Variants in CNIH3 observed in about 807,000 individuals in gnomAD.
CNIH3 encodes protein cornichon homolog 3.
In CNIH3, 14 loss-of-function variants were observed where a neutral mutation model predicts 24.1. That is an observed-to-expected ratio of 0.58 (90% confidence interval 0.38 to 0.91). The LOEUF (loss-of-function observed/expected upper bound fraction) is 0.91. CNIH3 is among the 40% of genes least tolerant of loss of function. The pLI is 0.00. For missense variants in CNIH3, 178 were observed against 196.8 expected (o/e 0.90, Z 0.57); for synonymous variants, 68 against 73.8 (o/e 0.92, Z 0.40).
chr1:224,490,320 G>T (rs1056902568), intron 1 of CNIH3, among the ~76,000 whole-genome samples: 1 of 152,146 alleles, frequency 6.6e-6, no homozygotes, highest in East Asian at 1.9e-4. Flanking sequence ...TTTTTGTTAG[G>T]GAGTCACTAC....
rs117588368 is a variant in CNIH3 at position 224,504,132 on chromosome 1, C to T, written n.204-11609C>T. Among the ~76,000 whole-genome samples the T allele has an allele frequency of 2.6e-4, 39 of 152,288 alleles. No individual in the cohort carries two copies. The East Asian group carries it at 5.8e-3, about 23-fold the overall frequency. ...GAGGACTGTATGGATGATGCCTTCC[C>T]GAGTTAGACCTAGGTTCAAACCTGA... On this transcript the variant is annotated intron_variant and non_coding_transcript_variant, in intron 1 of 5. Transcript: ENST00000471578.
At chr1:224,737,260 C>T (rs567317464) in intron 5 of CNIH3, among the ~76,000 whole-genome samples, 6 of 152,092 alleles carry the variant, frequency 3.9e-5, no homozygotes, top group South Asian at 2.1e-4. Context: ...CAGCTCCTCT[C>T]GGTTAGATGG....
At chr1:224,501,805 T>C (rs947970693) in intron 1 of CNIH3, among the ~76,000 whole-genome samples, 11 of 152,116 alleles carry the variant, frequency 7.2e-5, no homozygotes, top group African/African-American at 2.7e-4. Context: ...GGTCTCAAAC[T>C]CCTGAGCTCA....
At chr1:224,449,306 C>T (rs1675293363) in intron 1 of CNIH3, among the ~76,000 whole-genome samples, 1 of 152,004 alleles carries the variant, frequency 6.6e-6, no homozygotes, top group African/African-American at 2.4e-5. Flanking sequence ...CTTTCACCTC[C>T]CGCATCTCCT....
chr1:224,640,941 A>C (rs1453339339), intron 1 of CNIH3, among the ~76,000 whole-genome samples: 3 of 152,204 alleles, frequency 2.0e-5, no homozygotes, highest in African/African-American at 7.2e-5. Context: ...GATTGTGAGC[A>C]AGTGTGGAGG....
At chr1:224,457,627 G>C (rs1053034201) in intron 1 of CNIH3, among the ~76,000 whole-genome samples, 7 of 151,412 alleles carry the variant, frequency 4.6e-5, no homozygotes, top group African/African-American at 1.7e-4. Context: ...GGAATCTCGC[G>C]GTCTCATTTC....
intron 1 of CNIH3, among the ~76,000 whole-genome samples, chr1:224,642,800 A>G (rs1684422054): frequency 1.3e-5 from 2 of 152,254 alleles, no homozygotes; most frequent in African/African-American, 4.8e-5. Flanking sequence ...GTTATGAAAG[A>G]AAACCCACAC....
intron 3 of CNIH3, among the ~76,000 whole-genome samples, chr1:224,713,920 T>A (rs1688291005): frequency 6.6e-6 from 1 of 152,138 alleles, no homozygotes; most frequent in Non-Finnish European, 1.5e-5. Flanking sequence ...GCACAAGTGA[T>A]CCTCCCACCT....
chr1:224,455,235 A>G (rs1323603389), intron 1 of CNIH3, among the ~76,000 whole-genome samples: 1 of 152,210 alleles, frequency 6.6e-6, no homozygotes, highest in Non-Finnish European at 1.5e-5. Flanking sequence ...TTTCTACTGA[A>G]TGTGTATTGC....
In CNIH3 at chr1:224,470,346, G is replaced by A. The variant is rs544292352; in HGVS notation, n.203+35484G>A. On this transcript the variant is annotated intron_variant and non_coding_transcript_variant, in intron 1 of 5. Coordinates refer to the CNIH3 transcript ENST00000471578. ...TTTTTTTTTTTTTTTAAGAGGTAGT[G>A]TCTCACTCTGTCACCCAGGATGGAG... Among the ~76,000 whole-genome samples the A allele has an allele frequency of 7.9e-4, 109 of 138,686 alleles. 1 individual carries two copies. The highest frequency in any genetic ancestry group is 2.8e-3 in the African/African-American group (102 of 36,958). 91.0% of individuals were successfully genotyped at this position (138,686 alleles called of 152,430 possible).
At chr1:224,639,689 G>A (rs544050425) in intron 1 of CNIH3, among the ~76,000 whole-genome samples, 2 of 152,298 alleles carry the variant, frequency 1.3e-5, no homozygotes, top group South Asian at 4.2e-4. Flanking sequence ...GGGGAACTGA[G>A]GACTGAACTC....
intron 3 of CNIH3, among the ~76,000 whole-genome samples, chr1:224,700,898 A>G (rs1687450046): frequency 1.3e-5 from 2 of 152,242 alleles, no homozygotes; most frequent in Admixed American, 6.5e-5. Context: ...CACATCTGCC[A>G]TGTGAACTTC....
chr1:224,728,375 A>C (rs1184376714), intron 3 of CNIH3, among the ~76,000 whole-genome samples: 1 of 152,096 alleles, frequency 6.6e-6, no homozygotes, highest in Non-Finnish European at 1.5e-5. Flanking sequence ...AAGGAGATAC[A>C]ATAGGGACAT....
intron 3 of CNIH3, among the ~76,000 whole-genome samples, chr1:224,694,175 G>A (rs1003538483): frequency 2.6e-5 from 4 of 152,228 alleles, no homozygotes; most frequent in African/African-American, 9.6e-5. Flanking sequence ...AGCCCAGGAT[G>A]AGCTGAGCCC....
intron 1 of CNIH3, among the ~76,000 whole-genome samples, chr1:224,645,203 TTC>T (rs1432901826): frequency 1.3e-5 from 2 of 152,082 alleles, no homozygotes; most frequent in Admixed American, 1.3e-4. Context: ...GTTTGATCAG[TTC>T]TCTCTCTCTC....
chr1:224,732,379 G>A (rs747153767), intron 4 of CNIH3, among the ~76,000 whole-genome samples: 3 of 152,192 alleles, frequency 2.0e-5, no homozygotes, highest in Admixed American at 6.5e-5. Context: ...CGGTTACATC[G>A]AGAAGCCTCA....
chr1:224,594,674 G>C (rs74146399), intron 3 of CNIH3, among the ~76,000 whole-genome samples: 7,274 of 152,218 alleles, frequency 0.048, 587 homozygotes, highest in African/African-American at 0.16. Context: ...TTTGGATTGG[G>C]CAATTTGCAT....
chr1:224,467,644 G>A (rs1341417581), intron 1 of CNIH3, among the ~76,000 whole-genome samples: 2 of 151,912 alleles, frequency 1.3e-5, no homozygotes, highest in Non-Finnish European at 2.9e-5. Flanking sequence ...GGCTGGTCTC[G>A]AACTCCTGAC....
intron 1 of CNIH3, among the ~76,000 whole-genome samples, chr1:224,664,479 G>A (rs1685506095): frequency 6.6e-6 from 1 of 152,116 alleles, no homozygotes; most frequent in South Asian, 2.1e-4. Flanking sequence ...TATTTTTGCT[G>A]GGTCATATTT....
Sources: gnomAD v4.1 joint callset for allele counts (sites outside exome capture counted in the v4.1 genomes callset) on GRCh38, gnomAD v4.1.1 for gene constraint, MANE v1.5 for transcripts, NCBI Gene and HGNC (gene_info 2026-07-23, HGNC 2026-07-21) for gene names.